Variants in DPYD observed in about 807,000 individuals in gnomAD.
The protein encoded by DPYD is dihydropyrimidine dehydrogenase [NADP(+)].
A neutral mutation model predicts 116.2 loss-of-function variants in DPYD; 109 were observed. That is an observed-to-expected ratio of 0.94 (90% CI 0.80 to 1.10). The LOEUF (loss-of-function observed/expected upper bound fraction) is 1.10. Ranked by LOEUF, DPYD falls within the 50% of genes least tolerant of loss-of-function variation. DPYD has a pLI of 0.00. For missense variants in DPYD, 1,302 were observed against 1,254.5 expected (o/e 1.04, Z -0.57); for synonymous variants, 440 against 432.0 (o/e 1.02, Z -0.23).
chr1:97,715,324 T>C (rs1662552847), intron 5 of DPYD, among the ~76,000 whole-genome samples: 2 of 152,118 alleles, frequency 1.3e-5, no homozygotes, highest in Admixed American at 1.3e-4. Context: ...TCCAAAACCA[T>C]GTGACAAAAA....
intron 16 of DPYD, among the ~76,000 whole-genome samples, chr1:97,368,687 G>T (rs549168376): frequency 6.6e-6 from 1 of 152,286 alleles, no homozygotes; most frequent in South Asian, 2.1e-4. Flanking sequence ...GAACTCAGAG[G>T]TTCAGTAGAA....
chr1:97,541,933 T>C (rs1437969790), intron 12 of DPYD, among the ~76,000 whole-genome samples: 1 of 152,164 alleles, frequency 6.6e-6, no homozygotes, highest in Non-Finnish European at 1.5e-5. Context: ...TTATAAACAA[T>C]TAAGGTGAAG....
intron 21 of DPYD, among the ~76,000 whole-genome samples, chr1:97,097,755 T>C (rs561004044): frequency 2.6e-5 from 4 of 152,160 alleles, no homozygotes; most frequent in African/African-American, 7.2e-5. Context: ...AACACACACA[T>C]AGAAGTAAAA....
At chr1:97,308,423 G>C (rs918722740) in intron 16 of DPYD, 1 of 151,692 alleles carries the variant, frequency 6.6e-6, no homozygotes, top group Non-Finnish European at 1.5e-5. Flanking sequence ...TCACAGCCAA[G>C]GGTAAGTACA....
At chr1:97,840,655 G>T (rs1019216962) in intron 2 of DPYD, among the ~76,000 whole-genome samples, 1 of 151,936 alleles carries the variant, frequency 6.6e-6, no homozygotes, top group Admixed American at 6.6e-5. Context: ...ACATTAATTG[G>T]AAAAATGAAT....
In DPYD at chr1:97,102,068, A is replaced by G. The variant is rs900668290; in HGVS notation, c.2623-3436T>C. Among the ~76,000 whole-genome samples, 8 of 152,162 alleles carry G rather than the reference A, an allele frequency of 5.3e-5. No individual in the cohort carries two copies. In the East Asian group the frequency reaches 1.2e-3, roughly 22 times the overall value. On this transcript the variant is annotated intron_variant, in intron 20 of 22. Transcript: ENST00000370192. ...CCTTAAGCCAGCAAAGCTTTAAGGTAAAGAAGTCTATTTGGATTATAATTT... is the reference window on the plus strand; with the variant it reads ...CCTTAAGCCAGCAAAGCTTTAAGGTGAAGAAGTCTATTTGGATTATAATTT...
At chr1:97,393,666 T>G (rs9727803) in intron 14 of DPYD, among the ~76,000 whole-genome samples, 29,122 of 151,854 alleles carry the variant, frequency 0.19, 2,951 homozygotes, top group South Asian at 0.38. Context: ...GTGTATATGT[T>G]CCACATTTTC....
intron 20 of DPYD, among the ~76,000 whole-genome samples, chr1:97,167,444 C>T (rs993714): frequency 0.18 from 27,361 of 151,936 alleles, 2,519 homozygotes; most frequent in East Asian, 0.28. Flanking sequence ...TAGAGGCAGA[C>T]AGAATGAGAA....
At chr1:97,690,792 C>T (rs1375400799) in intron 7 of DPYD, among the ~76,000 whole-genome samples, 1 of 151,962 alleles carries the variant, frequency 6.6e-6, no homozygotes, top group Admixed American at 6.6e-5. Flanking sequence ...TGTTTTTATT[C>T]CCAGACATCT....
intron 14 of DPYD, among the ~76,000 whole-genome samples, chr1:97,392,550 A>T (rs1672765303): frequency 6.6e-6 from 1 of 152,066 alleles, no homozygotes; most frequent in Admixed American, 6.6e-5. Flanking sequence ...GCTGTTTCAT[A>T]GCATTTTATC....
chr1:97,562,157 G>A (rs1005419175), intron 11 of DPYD, among the ~76,000 whole-genome samples: 2 of 152,188 alleles, frequency 1.3e-5, no homozygotes, highest in African/African-American at 4.8e-5. Flanking sequence ...CAAGTATGTA[G>A]GAGGGCAGAT....
At chr1:97,316,658 G>A (rs1449399161) in intron 16 of DPYD, among the ~76,000 whole-genome samples, 1 of 151,764 alleles carries the variant, frequency 6.6e-6, no homozygotes, top group Non-Finnish European at 1.5e-5. Context: ...GTCTGCCTTA[G>A]CTTTCATAAT....
intron 1 of DPYD, among the ~76,000 whole-genome samples, chr1:97,897,509 T>C (rs1041394513): frequency 6.6e-6 from 1 of 151,934 alleles, no homozygotes; most frequent in African/African-American, 2.4e-5. Flanking sequence ...TTTACATGTA[T>C]ATGAGGCCAC....
At chr1:97,475,943 T>C (rs996350710) in intron 13 of DPYD, among the ~76,000 whole-genome samples, 6 of 152,222 alleles carry the variant, frequency 3.9e-5, no homozygotes, top group Non-Finnish European at 8.8e-5. Context: ...TTGAGTTTGA[T>C]TATTAAGTAA....
chr1:97,863,944 G>A (rs1012594939), intron 2 of DPYD, among the ~76,000 whole-genome samples: 2 of 151,842 alleles, frequency 1.3e-5, no homozygotes, highest in African/African-American at 4.8e-5. Context: ...CACTGATTTC[G>A]TGTGAAAGGG....
chr1:97,811,381 G>T (rs931011181), intron 3 of DPYD, among the ~76,000 whole-genome samples: 6 of 151,980 alleles, frequency 3.9e-5, no homozygotes, highest in African/African-American at 1.5e-4. Flanking sequence ...ATATTTGAAA[G>T]ACTAAACCAG....
At chr1:97,573,637 A>G in intron 11 of DPYD, 123 bp downstream of exon 11, 3 of 1,198,678 alleles carry the variant, frequency 2.5e-6, no homozygotes, top group South Asian at 1.3e-5. Flanking sequence ...GATTGCTTTT[A>G]CTTCTTAACT....
At chr1:97,384,210 T>C (rs1233883082) in intron 14 of DPYD, among the ~76,000 whole-genome samples, 4 of 150,744 alleles carry the variant, frequency 2.7e-5, no homozygotes, top group Non-Finnish European at 1.5e-5. Flanking sequence ...AAAGCCACTG[T>C]GCTCTCACTA....
intron 12 of DPYD, among the ~76,000 whole-genome samples, chr1:97,540,527 G>GA (rs1373538962): frequency 6.6e-6 from 1 of 152,104 alleles, no homozygotes. Flanking sequence ...TGGAGCTGGG[G>GA]TGTGCCACCT....
Sources: gnomAD v4.1 joint callset for allele counts (sites outside exome capture counted in the v4.1 genomes callset) on GRCh38, gnomAD v4.1.1 for gene constraint, MANE v1.5 for transcripts, NCBI Gene and HGNC (gene_info 2026-07-23, HGNC 2026-07-21) for gene names.